ERCC5: variants seen among roughly 807,000 people sequenced by gnomAD.
The protein encoded by ERCC5 is ERCC excision repair 5, endonuclease.
ERCC5 carries 68 observed loss-of-function variants against 105.6 expected under a neutral mutation model. The observed-to-expected ratio is 0.64, with a 90% CI of 0.53 to 0.79. The LOEUF (loss-of-function observed/expected upper bound fraction) is 0.79, where lower values mean the gene tolerates loss of function less well. ERCC5 is among the 30% of genes least tolerant of loss of function. The pLI is 0.00. For synonymous variants in ERCC5, 546 were observed against 526.2 expected (o/e 1.04, Z -0.51); for missense variants, 1,373 against 1,426.7 (o/e 0.96, Z 0.61).
Position 102,846,195 on chromosome 13 carries a change from C to A in ERCC5, c.-72C>A. 1 of 1,310,560 alleles carries A rather than the reference C, an allele frequency of 7.6e-7. No individual in the cohort carries two copies. The allele number at this position is 1,310,560 out of a possible 1,614,324, so 81.2% of individuals were successfully genotyped here. ...GAGGGCTTCCTCCCGGGGTCCTAGG[C>A]GGCGGTGCAGTCCGTCGTAGAAGAA... On this transcript the variant is annotated 5_prime_UTR_variant, in exon 1 of 15. Coordinates refer to ENST00000652225, the MANE Select transcript of ERCC5 (RefSeq NM_000123.4).
intron 4 of ERCC5, among the ~76,000 whole-genome samples, chr13:102,854,842 T>C (rs1882349090): frequency 6.6e-6 from 1 of 152,212 alleles, no homozygotes; most frequent in African/African-American, 2.4e-5. Context: ...CCCCGGCATC[T>C]CTCTGGCGCT....
At chr13:102,858,455 A>G (rs1489371358) in intron 6 of ERCC5, 37 bp downstream of exon 6, 3 of 1,613,922 alleles carry the variant, frequency 1.9e-6, no homozygotes, top group Admixed American at 3.3e-5. Context: ...CTTAGAATTA[A>G]GAACTTCAGC....
At chr13:102,858,914 T>C (rs748444038) in intron 6 of ERCC5, 14 of 455,986 alleles carry the variant, frequency 3.1e-5, no homozygotes, top group African/African-American at 2.2e-4. Flanking sequence ...ATTCCAGGTA[T>C]ATCTTCCTCT....
chr13:102,856,212 G>C, intron 5 of ERCC5, 100 bp downstream of exon 5: 1 of 1,291,524 alleles, frequency 7.7e-7, no homozygotes, highest in African/African-American at 1.5e-5. Flanking sequence ...GAAAGTTCCT[G>C]ATAAAAAGTA....
intron 12 of ERCC5, among the ~76,000 whole-genome samples, chr13:102,871,493 ATTTAT>A (rs1883033050): frequency 6.6e-6 from 1 of 152,148 alleles, no homozygotes; most frequent in South Asian, 2.1e-4. Context: ...TGTTAGTGTT[ATTTAT>A]TTTAAGTATC....
intron 5 of ERCC5, among the ~76,000 whole-genome samples, chr13:102,856,974 C>G (rs1161629746): frequency 6.6e-6 from 1 of 152,194 alleles, no homozygotes; most frequent in Non-Finnish European, 1.5e-5. Context: ...CTAGTTACTG[C>G]CCTATGGAAG....
intron 5 of ERCC5, 140 bp from the exon 6 acceptor site, chr13:102,858,135 A>C (rs1031051180): frequency 1.8e-5 from 22 of 1,215,456 alleles, no homozygotes; most frequent in Non-Finnish European, 2.4e-5. Context: ...CCTGTCACAG[A>C]TTATATGCAA....
At chr13:102,854,458 T>C in intron 4 of ERCC5, 84 bp downstream of exon 4, 1 of 1,346,906 alleles carries the variant, frequency 7.4e-7, no homozygotes, top group Non-Finnish European at 1.1e-6. Flanking sequence ...ATCTACATGA[T>C]AAGGCATGTG....
chr13:102,852,675 C>T (rs910905462), intron 2 of ERCC5, among the ~76,000 whole-genome samples: 10 of 152,234 alleles, frequency 6.6e-5, no homozygotes, highest in South Asian at 2.1e-4. Flanking sequence ...AAGTATCCTC[C>T]GTGATAGCAA....
intron 6 of ERCC5, chr13:102,859,048 G>A (rs928346218): frequency 2.4e-6 from 1 of 416,926 alleles, no homozygotes; most frequent in Non-Finnish European, 4.8e-6. Flanking sequence ...CTAGAGTGGA[G>A]GTGGTATGTG....
In ERCC5 at chr13:102,854,326, A is replaced by C. The variant is rs765366252; in HGVS notation, c.419A>C (p.Glu140Ala). ...CCCAGTCTTACCCAAGTTCGAAGAG[A>C]AAACGACCTCTATGTTTTGCCTCCT... ...ALPSLTQVRR[E>A]NDLYVLPPLQ... Residue 140 changes from glutamate to alanine, a missense_variant, in exon 4 of 15, where the codon GAA becomes GCA. Coordinates refer to ENST00000652225, the MANE Select transcript of ERCC5 (RefSeq NM_000123.4). 2.5e-6 allele frequency: 4 copies of C among 1,614,216 alleles called. No individual in the cohort carries two copies. The East Asian group carries it at 8.9e-5, about 36-fold the overall frequency.
chr13:102,867,726 A>G (rs927742731), intron 11 of ERCC5, among the ~76,000 whole-genome samples: 8 of 152,208 alleles, frequency 5.3e-5, no homozygotes, highest in African/African-American at 1.9e-4. Flanking sequence ...ACCTGCCTTC[A>G]GTAAGACAAG....
intron 7 of ERCC5, 58 bp from the exon 8 acceptor site, chr13:102,861,972 G>A: frequency 6.3e-7 from 1 of 1,594,712 alleles, no homozygotes; most frequent in South Asian, 1.1e-5. Flanking sequence ...CATCTTACTA[G>A]AAGCGTATTG....
chr13:102,874,094 C>A (rs992995602), intron 14 of ERCC5, among the ~76,000 whole-genome samples: 1 of 152,016 alleles, frequency 6.6e-6, no homozygotes, highest in Admixed American at 6.5e-5. Context: ...CATTATAAAC[C>A]AACCAAAAAG....
chr13:102,851,357 C>T (rs1474511282), intron 1 of ERCC5, among the ~76,000 whole-genome samples: 3 of 152,070 alleles, frequency 2.0e-5, no homozygotes, highest in African/African-American at 7.2e-5. Context: ...TGCAGTGGCG[C>T]GATCTCGGCT....
chr13:102,862,032 A>T lies in ERCC5; in HGVS notation c.883A>T (p.Ile295Phe). The T allele has an allele frequency of 6.2e-7, 1 of 1,614,220 alleles. No homozygotes were observed. Among genetic ancestry groups the T allele is most frequent in the South Asian group, 1.1e-5 (1 of 91,080 alleles). Residue 295 changes from isoleucine (I) to phenylalanine (F), a missense_variant and splice_region_variant, in exon 8 of 15, where the codon ATT becomes TTT. Ile to Phe is a conservative substitution (Grantham distance 21, BLOSUM62 0). Coordinates refer to ENST00000652225, the MANE Select transcript of ERCC5 (RefSeq NM_000123.4). ...GAAGTGTTTTAATTCTTCTTAAGGT[A>T]TTCAAGCTAAGACAGTTGCAGAAGT... The part of the protein sequence containing the change: ...DTSHYILIKG[I>F]QAKTVAEVDS...
intron 4 of ERCC5, among the ~76,000 whole-genome samples, chr13:102,855,634 C>T (rs1169009132): frequency 1.3e-5 from 2 of 152,238 alleles, no homozygotes; most frequent in South Asian, 2.1e-4. Flanking sequence ...ACATCATCCA[C>T]AGGCAGGCTT....
At chr13:102,871,141 G>A (rs1883016525) in intron 12 of ERCC5, among the ~76,000 whole-genome samples, 2 of 152,204 alleles carry the variant, frequency 1.3e-5, no homozygotes, top group Admixed American at 1.3e-4. Context: ...GGCTGATGAG[G>A]TGGCTTCGGC....
intron 13 of ERCC5, 23 bp downstream of exon 13, chr13:102,872,421 G>A (rs759296023): frequency 5.6e-6 from 9 of 1,612,986 alleles, no homozygotes; most frequent in African/African-American, 1.3e-5. Flanking sequence ...TCTTAAAAGA[G>A]AAGGAAACAC....
Sources: gnomAD v4.1 joint callset for allele counts (sites outside exome capture counted in the v4.1 genomes callset) on GRCh38, gnomAD v4.1.1 for gene constraint, MANE v1.5 for transcripts, NCBI Gene and HGNC (gene_info 2026-07-23, HGNC 2026-07-21) for gene names.